Variants in DEPTOR observed in about 807,000 individuals in gnomAD.
DEPTOR encodes DEP domain-containing mTOR-interacting protein.
A neutral mutation model predicts 41.6 loss-of-function variants in DEPTOR; 41 were observed. The observed-to-expected ratio is 0.98, with a 90% CI of 0.77 to 1.28. The LOEUF is 1.28. Among genes scored for constraint, DEPTOR ranks in the 50% most tolerant of loss-of-function variants. The pLI, the probability that DEPTOR is intolerant of heterozygous loss-of-function variation, is 0.00. For missense variants in DEPTOR, 514 were observed against 527.9 expected, an observed-to-expected ratio of 0.97 and a Z score of 0.26; for synonymous variants, 195 against 192.3, an observed-to-expected ratio of 1.01 and a Z score of -0.12.
intron 3 of DEPTOR, among the ~76,000 whole-genome samples, chr8:119,934,852 C>G (rs1828088416): frequency 6.6e-6 from 1 of 152,098 alleles, no homozygotes. Flanking sequence ...ATTTGCCTAT[C>G]TAGTAAATGG....
chr8:119,987,373 A>G (rs1292993344), intron 4 of DEPTOR, among the ~76,000 whole-genome samples: 3 of 152,130 alleles, frequency 2.0e-5, no homozygotes, highest in African/African-American at 7.2e-5. Context: ...ACAGAACAGC[A>G]AAGATTGCTG....
intron 3 of DEPTOR, among the ~76,000 whole-genome samples, chr8:119,940,610 G>A (rs1442648821): frequency 6.6e-6 from 1 of 152,068 alleles, no homozygotes; most frequent in Non-Finnish European, 1.5e-5. Flanking sequence ...GTCGAGCGTG[G>A]TGGTGGGTGC....
rs371867523 is a variant in DEPTOR at position 119,897,183 on chromosome 8, G to A, written c.122+23215G>A. Among the ~76,000 whole-genome samples the A allele has an allele frequency of 3.0e-4, 46 of 152,098 alleles. 1 individual carries two copies. The highest frequency in any genetic ancestry group is 1.1e-3 in the African/African-American group (44 of 41,394). On this transcript the variant is annotated intron_variant, in intron 1 of 8. Coordinates refer to ENST00000286234, the MANE Select transcript of DEPTOR (RefSeq NM_022783.4). ...TAGAAAAATGCATATCCCCAGACTG[G>A]ATGTGTTTTACACATAAGGGATAGA...
chr8:119,955,486 G>A (rs1160816757), intron 3 of DEPTOR, among the ~76,000 whole-genome samples: 1 of 148,190 alleles, frequency 6.7e-6, no homozygotes, highest in South Asian at 2.1e-4. Flanking sequence ...TTTTTTTTGA[G>A]TCAAAGTTTC....
chr8:120,013,840 CTTT>C (rs35599330), intron 8 of DEPTOR, among the ~76,000 whole-genome samples: 17 of 129,854 alleles, frequency 1.3e-4, no homozygotes, highest in Middle Eastern at 3.9e-3. Context: ...GCTATGACTA[CTTT>C]TTTTTTTTTT....
At chr8:120,041,085 C>T (rs186882609) in intron 8 of DEPTOR, among the ~76,000 whole-genome samples, 2 of 152,216 alleles carry the variant, frequency 1.3e-5, no homozygotes, top group African/African-American at 4.8e-5. Flanking sequence ...CCCTTCAATC[C>T]TTCATTCTCC....
chr8:119,981,131 A>G (rs892970801), intron 4 of DEPTOR, among the ~76,000 whole-genome samples: 2 of 152,176 alleles, frequency 1.3e-5, no homozygotes, highest in African/African-American at 2.4e-5. Context: ...CAACTGTTCT[A>G]TGGCCTCCAT....
intron 8 of DEPTOR, among the ~76,000 whole-genome samples, chr8:120,040,266 T>G (rs991491683): frequency 6.6e-6 from 1 of 152,160 alleles, no homozygotes; most frequent in Non-Finnish European, 1.5e-5. Flanking sequence ...GCATTTAAAC[T>G]AACTTTTGGT....
intron 1 of DEPTOR, among the ~76,000 whole-genome samples, chr8:119,887,574 G>A (rs1021893749): frequency 2.0e-5 from 2 of 101,970 alleles, no homozygotes; most frequent in African/African-American, 3.8e-5. Flanking sequence ...ATCTCAGCTC[G>A]CTGCAACCTC....
chr8:119,885,097 A>C (rs1563956432), intron 1 of DEPTOR, among the ~76,000 whole-genome samples: 1 of 152,046 alleles, frequency 6.6e-6, no homozygotes, highest in Non-Finnish European at 1.5e-5. Context: ...TTTGCTTCTT[A>C]GTTTCTTTCT....
At chr8:119,991,104 CTTTCTTTCTTTCTTTT>C (rs1563584748) in intron 4 of DEPTOR, among the ~76,000 whole-genome samples, 11,186 of 68,284 alleles carry the variant, frequency 0.16, 866 homozygotes, top group Middle Eastern at 0.24. Context: ...TTCTTTCTTT[CTTTCTTTCTTTCTTTT>C]TTTTTTAAAT....
chr8:119,989,995 G>A (rs1008734253), intron 4 of DEPTOR, among the ~76,000 whole-genome samples: 1 of 152,068 alleles, frequency 6.6e-6, no homozygotes, highest in African/African-American at 2.4e-5. Context: ...TCCATTTGCC[G>A]GATGAAATAA....
intron 8 of DEPTOR, among the ~76,000 whole-genome samples, chr8:120,030,647 G>A (rs1297866406): frequency 2.0e-5 from 3 of 151,624 alleles, no homozygotes; most frequent in African/African-American, 7.3e-5. Flanking sequence ...GCTAGGATTA[G>A]AGGACTGCCA....
At chr8:120,034,895 G>A (rs1812955543) in intron 8 of DEPTOR, among the ~76,000 whole-genome samples, 1 of 152,152 alleles carries the variant, frequency 6.6e-6, no homozygotes, top group Non-Finnish European at 1.5e-5. Flanking sequence ...ATTTATTAAA[G>A]CCAAACAGAT....
chr8:119,946,751 A>T lies in DEPTOR; in HGVS notation c.425+16813A>T, dbSNP rs183213375. On this transcript the variant is annotated intron_variant, in intron 3 of 8. Coordinates refer to ENST00000286234, the MANE Select transcript of DEPTOR (RefSeq NM_022783.4). ...CTTTGTCTCAAAAAATAAAATAAAA[A>T]AAAAAGTTCTCTGTGTTCTACCAAG... is the stretch of plus-strand genomic sequence containing the variant. Among the ~76,000 whole-genome samples, 32 of 152,322 alleles carry T rather than the reference A, an allele frequency of 2.1e-4. No individual in the cohort carries two copies. In the South Asian group the frequency reaches 2.5e-3, roughly 12 times the overall value.
chr8:119,890,296 TTTGTTG>T (rs1554671061), intron 1 of DEPTOR, among the ~76,000 whole-genome samples: 2 of 150,518 alleles, frequency 1.3e-5, no homozygotes, highest in Non-Finnish European at 3.0e-5. Flanking sequence ...TGTTTGTTTG[TTTGTTG>T]TTGTTGTTGT....
At chr8:120,026,469 A>G (rs1812798767) in intron 8 of DEPTOR, among the ~76,000 whole-genome samples, 1 of 151,858 alleles carries the variant, frequency 6.6e-6, no homozygotes, top group Non-Finnish European at 1.5e-5. Context: ...CAGCCTCCCA[A>G]GTAGCTGAGA....
intron 3 of DEPTOR, among the ~76,000 whole-genome samples, chr8:119,947,408 T>C (rs1427518972): frequency 1.3e-5 from 2 of 152,218 alleles, no homozygotes; most frequent in African/African-American, 4.8e-5. Flanking sequence ...TCCTAGTCCA[T>C]GCTGAGATGG....
At chr8:120,015,755 G>A (rs952633441) in intron 8 of DEPTOR, among the ~76,000 whole-genome samples, 3 of 152,202 alleles carry the variant, frequency 2.0e-5, no homozygotes, top group African/African-American at 7.2e-5. Context: ...ATGGATACCA[G>A]CCAGTTTTAT....
Sources: allele counts gnomAD v4.1 joint callset (sites outside exome capture counted in the v4.1 genomes callset), GRCh38; gene constraint gnomAD v4.1.1; transcripts MANE v1.5; gene names NCBI Gene and HGNC (gene_info 2026-07-23, HGNC 2026-07-21).